Variants in CTNND2 observed in about 807,000 individuals in gnomAD.
CTNND2 encodes the protein catenin delta-2.
In CTNND2, 22 loss-of-function variants were observed where a neutral mutation model predicts 144.4. The observed-to-expected ratio is 0.15, with a 90% confidence interval of 0.11 to 0.22. The LOEUF (loss-of-function observed/expected upper bound fraction) is 0.22. CTNND2 is among the 10% of genes least tolerant of loss of function. The pLI, the probability that CTNND2 is intolerant of heterozygous loss-of-function variation, is 1.00. For missense variants in CTNND2, 1,353 were observed against 1,618.8 expected, an observed-to-expected ratio of 0.84 and a Z score of 2.82; for synonymous variants, 751 against 695.6, an observed-to-expected ratio of 1.08 and a Z score of -1.25.
chr5:11,185,866 G>A (rs1580526723), intron 11 of CTNND2, among the ~76,000 whole-genome samples: 1 of 152,324 alleles, frequency 6.6e-6, no homozygotes, highest in East Asian at 1.9e-4. Flanking sequence ...ACTAGTTAAT[G>A]TAATTTTTGT....
intron 3 of CTNND2, among the ~76,000 whole-genome samples, chr5:11,430,109 G>A (rs552037332): frequency 2.0e-5 from 3 of 151,730 alleles, no homozygotes; most frequent in Non-Finnish European, 4.4e-5. Context: ...AATTAGCCAG[G>A]TGTGGTGTCG....
chr5:11,139,158 G>T (rs376115669), intron 12 of CTNND2, among the ~76,000 whole-genome samples: 1 of 152,108 alleles, frequency 6.6e-6, no homozygotes, highest in East Asian at 1.9e-4. Context: ...ACAGTGTTTT[G>T]CTATGTTGCC....
chr5:11,015,709 T>A (rs1012783304), intron 18 of CTNND2, among the ~76,000 whole-genome samples: 1 of 152,210 alleles, frequency 6.6e-6, no homozygotes, highest in Admixed American at 6.5e-5. Flanking sequence ...CAGGAAACGT[T>A]CAGGATCTAA....
chr5:11,170,835 G>T (rs915229381), intron 11 of CTNND2, among the ~76,000 whole-genome samples: 1 of 152,180 alleles, frequency 6.6e-6, no homozygotes, highest in African/African-American at 2.4e-5. Context: ...ACAATTCCAC[G>T]TGGCTGAGGA....
At chr5:11,702,864 G>C (rs1346809820) in intron 2 of CTNND2, among the ~76,000 whole-genome samples, 1 of 152,102 alleles carries the variant, frequency 6.6e-6, no homozygotes, top group Non-Finnish European at 1.5e-5. Context: ...TGACATCCTG[G>C]ACCCCAAACT....
chr5:11,416,252 G>A (rs7707723), intron 3 of CTNND2, among the ~76,000 whole-genome samples: 2,645 of 152,168 alleles, frequency 0.017, 82 homozygotes, highest in African/African-American at 0.059. Flanking sequence ...TCTATCAAAT[G>A]TGTTTCAATT....
intron 3 of CTNND2, among the ~76,000 whole-genome samples, chr5:11,536,369 C>G (rs1174769219): frequency 6.6e-6 from 1 of 152,050 alleles, no homozygotes; most frequent in African/African-American, 2.4e-5. Flanking sequence ...TGGCCAAGTT[C>G]CTAAGGTATC....
intron 1 of CTNND2, among the ~76,000 whole-genome samples, chr5:11,742,161 A>G (rs1042165571): frequency 1.3e-5 from 2 of 152,150 alleles, no homozygotes; most frequent in Non-Finnish European, 2.9e-5. Flanking sequence ...GAACTTACTT[A>G]TGTAACCAAC....
chr5:11,813,613 C>T (rs1268220255), intron 1 of CTNND2, among the ~76,000 whole-genome samples: 1 of 152,156 alleles, frequency 6.6e-6, no homozygotes, highest in Non-Finnish European at 1.5e-5. Flanking sequence ...AAGTCAACAT[C>T]AACTTTCTAA....
intron 2 of CTNND2, among the ~76,000 whole-genome samples, chr5:11,615,557 T>C (rs1254643596): frequency 6.6e-6 from 1 of 152,180 alleles, no homozygotes; most frequent in African/African-American, 2.4e-5. Flanking sequence ...GTAGTAGATC[T>C]TTGAAATCAT....
chr5:11,034,291 A>G (rs1743828981), intron 16 of CTNND2, among the ~76,000 whole-genome samples: 1 of 152,224 alleles, frequency 6.6e-6, no homozygotes, highest in South Asian at 2.1e-4. Flanking sequence ...AGCTAATATT[A>G]TTATTTAAAC....
intron 2 of CTNND2, among the ~76,000 whole-genome samples, chr5:11,578,002 C>A (rs901320077): frequency 6.6e-6 from 1 of 152,184 alleles, no homozygotes; most frequent in Non-Finnish European, 1.5e-5. Context: ...ATAAAGTCCA[C>A]TGGGGCTATG....
chr5:11,614,699 G>A (rs964874516), intron 2 of CTNND2, among the ~76,000 whole-genome samples: 6 of 152,210 alleles, frequency 3.9e-5, no homozygotes, highest in Admixed American at 1.3e-4. Flanking sequence ...TTCTAGGGCA[G>A]TGATGAACTA....
intron 3 of CTNND2, among the ~76,000 whole-genome samples, chr5:11,419,768 A>G (rs918001989): frequency 3.3e-5 from 5 of 152,232 alleles, no homozygotes; most frequent in Admixed American, 3.3e-4. Context: ...TCTTAATGCC[A>G]GGAAAAGACA....
At chr5:11,494,075 G>A (rs1403654883) in intron 3 of CTNND2, among the ~76,000 whole-genome samples, 2 of 152,028 alleles carry the variant, frequency 1.3e-5, no homozygotes, top group Non-Finnish European at 2.9e-5. Flanking sequence ...GAAATTTAAA[G>A]GACTGTTAAT....
chr5:10,993,681 A>G (rs1738964620), intron 18 of CTNND2, among the ~76,000 whole-genome samples: 1 of 152,108 alleles, frequency 6.6e-6, no homozygotes, highest in African/African-American at 2.4e-5. Context: ...ATCTTGCCAC[A>G]CAGTTAGCAC....
At chr5:11,325,887 G>A (rs186226241) in intron 9 of CTNND2, among the ~76,000 whole-genome samples, 7 of 152,064 alleles carry the variant, frequency 4.6e-5, no homozygotes, top group African/African-American at 1.4e-4. Flanking sequence ...AGTGGTTCTC[G>A]CCAGTCTATG....
intron 1 of CTNND2, among the ~76,000 whole-genome samples, chr5:11,741,294 A>T (rs1179156321): frequency 6.6e-6 from 1 of 152,202 alleles, no homozygotes; most frequent in African/African-American, 2.4e-5. Context: ...CACTATGCAC[A>T]ATAGCAAAGA....
intron 9 of CTNND2, among the ~76,000 whole-genome samples, chr5:11,267,004 G>A (rs977428212): frequency 5.3e-5 from 8 of 152,084 alleles, no homozygotes; most frequent in African/African-American, 9.7e-5. Context: ...TCAGCCTCCC[G>A]AGTAGCTGGG....
Sources: allele counts gnomAD v4.1 joint callset (sites outside exome capture counted in the v4.1 genomes callset), GRCh38; gene constraint gnomAD v4.1.1; transcripts MANE v1.5; gene names NCBI Gene and HGNC (gene_info 2026-07-23, HGNC 2026-07-21).